KIF1A: variants seen among roughly 807,000 people sequenced by gnomAD.
The protein encoded by KIF1A is kinesin family member 1A, also known as kinesin-like protein KIF1A.
KIF1A carries 46 observed loss-of-function variants against 227.3 expected under a neutral mutation model. The ratio of observed to expected loss-of-function variants is 0.20; its 90% CI spans 0.16 to 0.26. The LOEUF (loss-of-function observed/expected upper bound fraction) is 0.26, where lower values mean the gene tolerates loss of function less well. Among genes scored for constraint, KIF1A ranks in the 10% least tolerant of loss-of-function variants. The probability of loss-of-function intolerance (pLI) is 1.00; values close to 1 mark genes in which losing one functional copy is unlikely to be tolerated. For synonymous variants in KIF1A, 1,022 were observed against 1,012.8 expected (o/e 1.01, Z -0.17); for missense variants, 1,683 against 2,485.9 (o/e 0.68, Z 6.87).
chr2:240,738,208 C>T lies in KIF1A; in HGVS notation c.3902-1040G>A, dbSNP rs78332527. On this transcript the variant is annotated intron_variant, in intron 37 of 48. Coordinates refer to ENST00000498729, the MANE Select transcript of KIF1A (RefSeq NM_001244008.2). Reference sequence around the variant, plus strand: ...CTTAAGCAGTGTTTAGCCTGCTCTGCGTCTGACCAAGTACCTGGCCCACAA... The same window carrying T: ...CTTAAGCAGTGTTTAGCCTGCTCTGTGTCTGACCAAGTACCTGGCCCACAA... 3.9e-4 allele frequency among the ~76,000 whole-genome samples: 60 copies of T among 152,348 alleles called. No homozygotes were observed. In the East Asian group the frequency reaches 9.6e-3, roughly 24 times the overall value.
chr2:240,767,396 T>C, intron 17 of KIF1A, 51 bp from the exon 18 acceptor site: 2 of 1,465,584 alleles, frequency 1.4e-6, no homozygotes, highest in Non-Finnish European at 1.9e-6. Context: ...AGGAGCCTGA[T>C]GCTGGCCACA....
chr2:240,812,176 T>C (rs1191784302), intron 1 of KIF1A, among the ~76,000 whole-genome samples: 1 of 152,216 alleles, frequency 6.6e-6, no homozygotes, highest in African/African-American at 2.4e-5. Context: ...CCTGTTGCTT[T>C]GGGGCTCTGG....
chr2:240,769,569 G>A, intron 16 of KIF1A, 58 bp downstream of exon 16: 1 of 1,447,094 alleles, frequency 6.9e-7, no homozygotes, highest in African/African-American at 1.4e-5. Flanking sequence ...ATCCTGCCCA[G>A]GCTCCGGGCT....
chr2:240,719,308 C>G, intron 46 of KIF1A, 110 bp from the exon 47 acceptor site: 1 of 1,272,300 alleles, frequency 7.9e-7, no homozygotes, highest in Non-Finnish European at 1.1e-6. Context: ...AACCACCTCC[C>G]CAGCCAGAAA....
intron 27 of KIF1A, among the ~76,000 whole-genome samples, chr2:240,751,792 T>C (rs921133182): frequency 2.0e-5 from 3 of 151,910 alleles, no homozygotes; most frequent in African/African-American, 4.8e-5. Context: ...AAGCTCAGCC[T>C]TGTGGCCCAT....
At chr2:240,751,125 G>A (rs549314142) in intron 27 of KIF1A, among the ~76,000 whole-genome samples, 100 of 152,230 alleles carry the variant, frequency 6.6e-4, no homozygotes, top group Non-Finnish European at 4.9e-4. Context: ...GCCACGGTGC[G>A]GCCCAGCCTG....
At chr2:240,787,115 T>G in intron 5 of KIF1A, 136 bp downstream of exon 5, 3 of 725,456 alleles carry the variant, frequency 4.1e-6, no homozygotes, top group Middle Eastern at 4.7e-4. Context: ...CCGTCTTGCC[T>G]GCCACTTGGA....
At chr2:240,800,534 CTG>C (rs1465732341) in intron 1 of KIF1A, among the ~76,000 whole-genome samples, 1 of 152,190 alleles carries the variant, frequency 6.6e-6, no homozygotes, top group East Asian at 1.9e-4. Context: ...GGGCAAGAGA[CTG>C]GGAATCTGGA....
Position 240,746,256 on chromosome 2 carries a change from C to T in KIF1A, c.3064-79G>A, listed in dbSNP as rs60213439. 73,959 of 1,505,226 alleles carry T rather than the reference C, an allele frequency of 0.049. 1,959 individuals are homozygous for T. The highest frequency in any genetic ancestry group is 0.055 in the Non-Finnish European group (61,702 of 1,117,206). The allele number at this position is 1,505,226 out of a possible 1,614,324, so 93.2% of individuals were successfully genotyped here. A position where few individuals can be genotyped will look rare whatever the true frequency, so the allele number is the denominator to read the frequency against. On this transcript the variant is annotated intron_variant, in intron 29 of 48. Transcript: ENST00000498729. The stretch of plus-strand genomic sequence containing the variant: ...CACCGTAGACCCTGCCACAGGCCCA[C>T]GGGAGGGCTGTGCCACCCAGAGCCT...
intron 47 of KIF1A, 21 bp from the exon 48 acceptor site, chr2:240,718,189 T>G (rs1575510794): frequency 1.3e-6 from 2 of 1,535,820 alleles, no homozygotes; most frequent in Non-Finnish European, 1.8e-6. Context: ...AGGCAGCTGG[T>G]GAGGAGGTGC....
chr2:240,782,382 C>T (rs142937966), intron 10 of KIF1A, among the ~76,000 whole-genome samples: 61 of 152,262 alleles, frequency 4.0e-4, no homozygotes, highest in Non-Finnish European at 5.6e-4. Context: ...TGCCGTGAGG[C>T]CGCCCCGGAC....
intron 38 of KIF1A, among the ~76,000 whole-genome samples, chr2:240,732,661 G>T: frequency 8.4e-6 from 1 of 119,760 alleles, no homozygotes; most frequent in South Asian, 3.2e-4. Flanking sequence ...GCTAATAAGG[G>T]GATGAGGAGT....
At position 240,788,889 on chromosome 2, in the gene KIF1A, G is replaced by T. The variant is rs534410060; in HGVS notation, c.183+347C>A. Among the ~76,000 whole-genome samples the T allele has an allele frequency of 1.3e-5, 2 of 152,214 alleles. No individual in the cohort carries two copies. Among genetic ancestry groups the T allele is most frequent in the South Asian group, 4.1e-4 (2 of 4,824 alleles). ...GGAGGAGGGAAGGAGAAGAGTCCAG[G>T]GGTCTCCTGGGCTCCCAGCATGCAG... On this transcript the variant is annotated intron_variant, in intron 3 of 48. Transcript: ENST00000498729. The surrounding 1 kb of genome is among the most constrained non-coding windows in gnomAD (Gnocchi z 6.6).
At chr2:240,809,691 CAG>C (rs1469024039) in intron 1 of KIF1A, among the ~76,000 whole-genome samples, 1 of 129,438 alleles carries the variant, frequency 7.7e-6, no homozygotes, top group South Asian at 2.3e-4. Context: ...TTTTTTGAGA[CAG>C]AGTCTCACTC....
Position 240,774,042 on chromosome 2 carries a change from C to T in KIF1A, c.1037+141G>A, listed in dbSNP as rs540974444. 12 of 503,176 alleles carry T rather than the reference C, an allele frequency of 2.4e-5. No homozygotes were observed. The East Asian group carries it at 3.8e-4, about 16-fold the overall frequency. The allele number at this position is 503,176 out of a possible 1,614,324, so 31.2% of individuals were successfully genotyped here. A position where few individuals can be genotyped will look rare whatever the true frequency, so the allele number is the denominator to read the frequency against. ...AGGCCCAGGAGCCTCAGAACAGTCTCTTCCAGCCTCACAGAGTCCAGGGTA... is the reference window on the plus strand; with the variant it reads ...AGGCCCAGGAGCCTCAGAACAGTCTTTTCCAGCCTCACAGAGTCCAGGGTA... On this transcript the variant is annotated intron_variant, in intron 12 of 48. Transcript: ENST00000498729.
At position 240,790,010 on chromosome 2, in the gene KIF1A, G is replaced by A. The variant is rs2055464632; in HGVS notation, c.107-698C>T. Among the ~76,000 whole-genome samples the A allele has an allele frequency of 6.6e-6, 1 of 152,136 alleles. No homozygotes were observed. Among genetic ancestry groups the A allele is most frequent in the Non-Finnish European group, 1.5e-5 (1 of 68,008 alleles). On this transcript the variant is annotated intron_variant, in intron 2 of 48. Coordinates refer to ENST00000498729, the MANE Select transcript of KIF1A (RefSeq NM_001244008.2). This position sits in a 1 kb window ranked among gnomAD's most constrained non-coding sequence, Gnocchi z 5.0. The stretch of plus-strand genomic sequence containing the variant: ...TGCCTGGGGGGGTTTCCCAGGAGCT[G>A]TCCCAGTATGAGTGTCCCAGGAGCT...
At position 240,722,623 on chromosome 2, in the gene KIF1A, C is replaced by G. The variant is rs376432305; in HGVS notation, c.4498G>C (p.Glu1500Gln). 6.1e-5 allele frequency: 95 copies of G among 1,560,890 alleles called. No homozygotes were observed. Among genetic ancestry groups the G allele is most frequent in the Non-Finnish European group, 7.4e-5 (85 of 1,152,026 alleles). Reference protein sequence around the residue: ...EKTRHYLLLREKLETAQRPVP... With the variant: ...EKTRHYLLLRQKLETAQRPVP... ...GGCCGCTGGGCGGTCTCCAGCTTCT[C>G]CCGCAGGAGCAGGTAGTGCCTAGTC... is the stretch of plus-strand genomic sequence containing the variant. Residue 1500 changes from glutamate to glutamine, a missense_variant, in exon 43 of 49, where the codon GAG (glutamate) becomes CAG (glutamine). Glu to Gln is a conservative substitution (Grantham distance 29). Coordinates refer to ENST00000498729, the MANE Select transcript of KIF1A (RefSeq NM_001244008.2).
chr2:240,770,561 G>C (rs2051819053), intron 15 of KIF1A, among the ~76,000 whole-genome samples: 2 of 152,212 alleles, frequency 1.3e-5, no homozygotes, highest in Admixed American at 6.5e-5. Context: ...CCAGCTCACT[G>C]CTCCTTGAAC....
intron 10 of KIF1A, among the ~76,000 whole-genome samples, chr2:240,780,116 T>C (rs1244282199): frequency 6.6e-6 from 1 of 151,856 alleles, no homozygotes; most frequent in South Asian, 2.1e-4. Flanking sequence ...TTCCCCACAG[T>C]GTCCTCCACA....
Sources: allele counts gnomAD v4.1 joint callset (sites outside exome capture counted in the v4.1 genomes callset), GRCh38; gene constraint gnomAD v4.1.1; non-coding constraint Gnocchi (gnomAD v3.1); transcripts MANE v1.5; gene names NCBI Gene and HGNC (gene_info 2026-07-23, HGNC 2026-07-21).